Variants in COL6A3 observed in about 807,000 individuals in gnomAD.
The protein encoded by COL6A3 is collagen alpha-3(VI) chain.
A neutral mutation model predicts 274.1 loss-of-function variants in COL6A3; 137 were observed. The ratio of observed to expected loss-of-function variants is 0.50; its 90% confidence interval spans 0.44 to 0.58. COL6A3 has a LOEUF of 0.58. COL6A3 is among the 20% of genes least tolerant of loss of function. COL6A3 has a pLI of 0.00. For synonymous variants in COL6A3, 1,650 were observed against 1,650.6 expected, an observed-to-expected ratio of 1.00 and a Z score of 0.01; for missense variants, 3,950 against 4,124.9, an observed-to-expected ratio of 0.96 and a Z score of 1.16.
chr2:237,333,510 C>T lies in COL6A3; in HGVS notation c.9268G>A (p.Ala3090Thr). 1 of 1,614,192 alleles carries T rather than the reference C, an allele frequency of 6.2e-7. No individual in the cohort carries two copies. The highest frequency in any genetic ancestry group is 1.1e-5 in the South Asian group (1 of 91,082). The change falls in exon 42 of 44, where the codon GCT (alanine) becomes ACT (threonine). Residue 3090 changes from alanine (A) to threonine (T), a missense_variant. Transcript: ENST00000295550. ...ATTAGATTGATGGTTGAACTAGAAG[C>T]TGACCTTGCTGGCTGTGGAGGTGGG... ...QPPPPQPARS[A>T]SSSTINLMVS...
Position 237,366,975 on chromosome 2 carries a change from G to A in COL6A3, c.5212C>T (p.Arg1738Cys), listed in dbSNP as rs929867677. The A allele has an allele frequency of 1.2e-5, 20 of 1,614,112 alleles. No homozygotes were observed. Among genetic ancestry groups the A allele is most frequent in the East Asian group, 4.5e-5 (2 of 44,898 alleles). Residue 1738 changes from arginine (R) to cysteine (C), a missense_variant, in exon 11 of 44, where the codon CGC (arginine) becomes TGC (cysteine). Physicochemically the swap from Arg to Cys is radical, Grantham distance 180. Around this residue, in one of 5 missense-constraint regions of COL6A3, gnomAD observed 632 missense variants for 623.4 expected, o/e 1.01. Transcript: ENST00000295550. The part of the protein sequence containing the change: ...VNHFVPEAGS[R>C]LDQRVPQIAF... ...ATCTGAGGGACCCGCTGGTCCAGGC[G>A]GCTGCCTGCCTCAGGCACAAAGTGG...
intron 9 of COL6A3, among the ~76,000 whole-genome samples, chr2:237,369,493 G>C (rs141066474): frequency 6.6e-6 from 1 of 152,264 alleles, no homozygotes; most frequent in East Asian, 1.9e-4. Context: ...TCAATCTTGG[G>C]CTACCGTAAT....
chr2:237,338,820 G>T, intron 39 of COL6A3, 195 bp downstream of exon 39: 1 of 575,368 alleles, frequency 1.7e-6, no homozygotes, highest in Non-Finnish European at 3.1e-6. Context: ...AAGCCACTAA[G>T]TTTTGGGTAG....
rs369543806 is a variant in COL6A3 at position 237,368,975 on chromosome 2, C to T, written c.4488G>A (p.Gln1496=). The T allele has an allele frequency of 2.5e-6, 4 of 1,614,234 alleles. No homozygotes were observed. The highest frequency in any genetic ancestry group is 3.4e-6 in the Non-Finnish European group (4 of 1,180,042). ...PEFYLKTYRS[Q]APVLDAIRRL... The stretch of plus-strand genomic sequence containing the variant: ...GCCGTATGGCGTCCAGCACCGGGGC[C>T]TGGGATCTGTAGGTTTTCAGATAGA... Residue 1496 remains glutamine, a synonymous_variant, in exon 10 of 44, where the codon CAG becomes CAA. Coordinates refer to ENST00000295550, the MANE Select transcript of COL6A3 (RefSeq NM_004369.4). This position sits in a 1 kb window ranked among gnomAD's most constrained non-coding sequence, Gnocchi z 4.4.
At position 237,361,228 on chromosome 2, in the gene COL6A3, C is replaced by G. The variant is rs2645769; in HGVS notation, c.6157-54G>C. 0.18 allele frequency: 268,767 copies of G among 1,532,926 alleles called. 25,939 individuals carry two copies. Among genetic ancestry groups the G allele is most frequent in the African/African-American group, 0.38 (28,246 of 73,440 alleles). The allele number at this position is 1,532,926 out of a possible 1,614,324, so 95.0% of individuals were successfully genotyped here. On this transcript the variant is annotated intron_variant, in intron 15 of 43. Transcript: ENST00000295550. This position sits in a 1 kb window ranked among gnomAD's most constrained non-coding sequence, Gnocchi z 5.1. ...TAATCCCGTGGTCTTCTTTGCTCTA[C>G]AGTAAGAATCCCTGTGGTCCCCCTT...
In COL6A3 at chr2:237,361,072, G is replaced by A; in HGVS notation, c.6210+49C>T. On this transcript the variant is annotated intron_variant, in intron 16 of 43. Coordinates refer to ENST00000295550, the MANE Select transcript of COL6A3 (RefSeq NM_004369.4). This position sits in a 1 kb window ranked among gnomAD's most constrained non-coding sequence, Gnocchi z 5.1. The stretch of plus-strand genomic sequence containing the variant: ...TCCACAATGCAATCCCAATGGGTAA[G>A]GATCAAGGAGGGGGTGAAATTTTAG... The A allele has an allele frequency of 6.9e-7, 1 of 1,457,270 alleles. No individual in the cohort carries two copies. Among genetic ancestry groups the A allele is most frequent in the Non-Finnish European group, 9.6e-7 (1 of 1,037,046 alleles). The allele number at this position is 1,457,270 out of a possible 1,614,324, so 90.3% of individuals were successfully genotyped here. A position where few individuals can be genotyped will look rare whatever the true frequency, so the allele number is the denominator to read the frequency against.
intron 38 of COL6A3, among the ~76,000 whole-genome samples, chr2:237,339,850 T>C (rs984938300): frequency 6.6e-6 from 1 of 152,036 alleles, no homozygotes; most frequent in Non-Finnish European, 1.5e-5. Context: ...ATGCCCTAAA[T>C]AGGGTGTCCG....
At chr2:237,365,655 G>T in intron 12 of COL6A3, 43 bp downstream of exon 12, 1 of 1,582,534 alleles carries the variant, frequency 6.3e-7, no homozygotes, top group South Asian at 1.1e-5. Context: ...GTAAAAATTT[G>T]GAAATTTCCC....
intron 41 of COL6A3, among the ~76,000 whole-genome samples, chr2:237,333,966 A>G (rs1268073021): frequency 6.6e-6 from 1 of 152,148 alleles, no homozygotes; most frequent in Non-Finnish European, 1.5e-5. Flanking sequence ...TTCCCTTCAC[A>G]TTCCTGGAGC....
At chr2:237,395,793 C>A (rs1356676408) in intron 2 of COL6A3, among the ~76,000 whole-genome samples, 1 of 152,146 alleles carries the variant, frequency 6.6e-6, no homozygotes, top group Non-Finnish European at 1.5e-5. Flanking sequence ...ATTTTTTGAG[C>A]ATGAACAAAC....
intron 43 of COL6A3, 139 bp from the exon 44 acceptor site, chr2:237,324,953 C>T: frequency 1.1e-6 from 1 of 919,178 alleles, no homozygotes; most frequent in Non-Finnish European, 1.7e-6. Flanking sequence ...ACCTGTCCCA[C>T]TTTTCTACTC....
intron 1 of COL6A3, among the ~76,000 whole-genome samples, chr2:237,410,914 T>G (rs1175797671): frequency 2.0e-5 from 3 of 152,236 alleles, no homozygotes; most frequent in Admixed American, 1.3e-4. Context: ...TCTTGTCTAG[T>G]TCATGGCTGT....
At chr2:237,381,894 C>G (rs1376506149) in intron 4 of COL6A3, among the ~76,000 whole-genome samples, 1 of 152,134 alleles carries the variant, frequency 6.6e-6, no homozygotes, top group Non-Finnish European at 1.5e-5. Context: ...CTCAGAGAAC[C>G]CTTTGCCTCA....
Position 237,379,250 on chromosome 2 carries a change from A to G in COL6A3, c.1898-15T>C, listed in dbSNP as rs1242427781. On this transcript the variant is annotated splice_polypyrimidine_tract_variant and intron_variant, in intron 5 of 43. Transcript: ENST00000295550. ...GTTTGAGTGAACTGCAGTGAAGCAC[A>G]GAAAAAAAAGTGAGACATACACAAC... 6.2e-7 allele frequency: 1 copy of G among 1,614,170 alleles called. No individual in the cohort carries two copies. The highest frequency in any genetic ancestry group is 8.5e-7 in the Non-Finnish European group (1 of 1,179,992).
Position 237,324,586 on chromosome 2 carries a change from G to T in COL6A3, c.*188C>A. The T allele has an allele frequency of 1.6e-6, 1 of 613,662 alleles. No individual in the cohort carries two copies. Among genetic ancestry groups the T allele is most frequent in the Admixed American group, 2.3e-5 (1 of 42,884 alleles). 38.0% of individuals were successfully genotyped at this position (613,662 alleles called of 1,614,324 possible). A position where few individuals can be genotyped will look rare whatever the true frequency, so the allele number is the denominator to read the frequency against. ...GAACTGCCTGGAGACAGAGAGCGAG[G>T]GTCCACAGACACATTAGCACCATAC... On this transcript the variant is annotated 3_prime_UTR_variant, in exon 44 of 44. Transcript: ENST00000295550.
In COL6A3 at chr2:237,376,936, A is replaced by G; in HGVS notation, c.2906T>C (p.Val969Ala). Residue 969 changes from valine to alanine, a missense_variant, in exon 7 of 44, where the codon GTG (valine) becomes GCG (alanine). Coordinates refer to ENST00000295550, the MANE Select transcript of COL6A3 (RefSeq NM_004369.4). ...GTTCTTGGCTTGGAAGATGAAAGGC[A>G]CAACCCCACTCTGCTTCAGGTTACT... ...PASNLKQSGV[V>A]PFIFQAKNAD... 1 of 1,614,226 alleles carries G rather than the reference A, an allele frequency of 6.2e-7. No homozygotes were observed. The highest frequency in any genetic ancestry group is 8.5e-7 in the Non-Finnish European group (1 of 1,180,036).
At position 237,371,758 on chromosome 2, in the gene COL6A3, A is replaced by G. The variant is rs772204933; in HGVS notation, c.4259T>C (p.Leu1420Ser). 6.2e-7 allele frequency: 1 copy of G among 1,608,214 alleles called. No homozygotes were observed. ...TGGAGGTGGATAGCGAGTGCTGGCT[A>G]AGAGCTTCTGGATCTGCTCTGAGGT... ...TLTSEQIQKL[L>S]ASTRYPPPAV... The change falls in exon 9 of 44, where the codon TTA becomes TCA. Residue 1420 changes from leucine to serine, a missense_variant. Leu to Ser is a moderately radical substitution (Grantham distance 145). Transcript: ENST00000295550. The surrounding 1 kb of genome is among the most constrained non-coding windows in gnomAD (Gnocchi z 4.3).
chr2:237,351,937 GAT>G (rs1434104817), intron 26 of COL6A3, among the ~76,000 whole-genome samples: 1 of 152,214 alleles, frequency 6.6e-6, no homozygotes. Context: ...GGTAATAAAT[GAT>G]AGGATGCCTC....
In COL6A3 at chr2:237,340,920, C is replaced by T. The variant is rs2106319899; in HGVS notation, c.7996G>A (p.Val2666Ile). 4 of 1,613,308 alleles carry T rather than the reference C, an allele frequency of 2.5e-6. No homozygotes were observed. The African/African-American group carries it at 5.3e-5, about 21-fold the overall frequency. ...GACTCAGAGGGCGCGTGCTGCACAA[C>T]TGCCACTCTGGCGAAGTGCTGGGAG... ...KASQHFARVA[V>I]VQHAPSESVD... Residue 2666 changes from valine to isoleucine, a missense_variant, in exon 38 of 44, where the codon GTT becomes ATT. Val to Ile is a conservative substitution (Grantham distance 29, BLOSUM62 3). Coordinates refer to ENST00000295550, the MANE Select transcript of COL6A3 (RefSeq NM_004369.4).
Sources: allele counts gnomAD v4.1 joint callset (sites outside exome capture counted in the v4.1 genomes callset), GRCh38; gene constraint gnomAD v4.1.1; regional missense constraint gnomAD v4.1.1; non-coding constraint Gnocchi (gnomAD v3.1); transcripts MANE v1.5; gene names NCBI Gene and HGNC (gene_info 2026-07-23, HGNC 2026-07-21).